UGCG: variants seen among roughly 807,000 people sequenced by gnomAD.
The protein encoded by UGCG is ceramide glucosyltransferase.
A neutral mutation model predicts 49.5 loss-of-function variants in UGCG; 10 were observed. The observed-to-expected ratio is 0.20, with a 90% CI of 0.12 to 0.34. The LOEUF (loss-of-function observed/expected upper bound fraction) is 0.34, where lower values mean the gene tolerates loss of function less well. Ranked by LOEUF, UGCG falls within the 10% of genes least tolerant of loss-of-function variation. The probability of loss-of-function intolerance (pLI) is 1.00; values close to 1 mark genes in which losing one functional copy is unlikely to be tolerated. For missense variants in UGCG, 312 were observed against 483.7 expected, an observed-to-expected ratio of 0.65 and a Z score of 3.33; for synonymous variants, 182 against 158.2, an observed-to-expected ratio of 1.15 and a Z score of -1.13.
At chr9:111,899,574 A>G (rs140547388) in intron 1 of UGCG, among the ~76,000 whole-genome samples, 176 of 152,258 alleles carry the variant, frequency 1.2e-3, no homozygotes, top group Middle Eastern at 6.8e-3. Context: ...AACTTTGTAC[A>G]TATATTTGAC....
At chr9:111,926,052 A>T (rs1163652057) in intron 4 of UGCG, among the ~76,000 whole-genome samples, 1 of 152,214 alleles carries the variant, frequency 6.6e-6, no homozygotes, top group Non-Finnish European at 1.5e-5. Flanking sequence ...TCTGCTCCTG[A>T]GCCTTTTCCA....
intron 1 of UGCG, among the ~76,000 whole-genome samples, chr9:111,909,692 G>A (rs1038183559): frequency 1.7e-4 from 26 of 152,256 alleles, no homozygotes; most frequent in Non-Finnish European, 2.2e-4. Flanking sequence ...GTACCACTGT[G>A]TGCTGAGCCT....
At chr9:111,901,721 T>C (rs1837776447) in intron 1 of UGCG, among the ~76,000 whole-genome samples, 2 of 152,144 alleles carry the variant, frequency 1.3e-5, no homozygotes, top group African/African-American at 4.8e-5. Flanking sequence ...AAAGTGGAAA[T>C]TGCAAGATTT....
intron 2 of UGCG, among the ~76,000 whole-genome samples, chr9:111,917,854 C>T (rs767091134): frequency 6.6e-6 from 1 of 152,080 alleles, no homozygotes; most frequent in Non-Finnish European, 1.5e-5. Context: ...TTGTCACCAG[C>T]GTAGAAGGGA....
At chr9:111,911,945 T>TATTCAACAGG (rs1838012518) in intron 1 of UGCG, among the ~76,000 whole-genome samples, 2 of 44,834 alleles carry the variant, frequency 4.5e-5, no homozygotes, top group African/African-American at 1.8e-4. Flanking sequence ...TATATATATA[T>TATTCAACAGG]ATATATATAT....
rs1000809131 is a variant in UGCG at position 111,932,160 on chromosome 9, G to A, written c.825-10G>A. The A allele has an allele frequency of 1.9e-6, 3 of 1,604,318 alleles. No homozygotes were observed. Among genetic ancestry groups the A allele is most frequent in the South Asian group, 2.2e-5 (2 of 89,696 alleles). On this transcript the variant is annotated splice_polypyrimidine_tract_variant and intron_variant, in intron 7 of 8. Transcript: ENST00000374279. Reference sequence around the variant, plus strand: ...TATTGTTTTAAAGAAAATCCTTTTTGTTTTTCCAGGTGGACCAAACTACGA... The same window carrying A: ...TATTGTTTTAAAGAAAATCCTTTTTATTTTTCCAGGTGGACCAAACTACGA...
At position 111,933,847 on chromosome 9, in the gene UGCG, T is replaced by C. The variant is rs1353285928; in HGVS notation, c.*850T>C. Reference sequence around the variant, plus strand: ...CAGCCCACCCCGTCTTCCCTTAACATTTTTTCAGGGGGGGTTGGGAGTGGT... The same window carrying C: ...CAGCCCACCCCGTCTTCCCTTAACACTTTTTCAGGGGGGGTTGGGAGTGGT... On this transcript the variant is annotated 3_prime_UTR_variant, in exon 9 of 9. Transcript: ENST00000374279. 1 of 152,138 alleles carries C rather than the reference T, an allele frequency of 6.6e-6. No individual in the cohort carries two copies. The highest frequency in any genetic ancestry group is 2.4e-5 in the African/African-American group (1 of 41,430). The allele number at this position is 152,138 out of a possible 1,614,324, so 9.4% of individuals were successfully genotyped here.
At position 111,926,621 on chromosome 9, in the gene UGCG, T is replaced by C. The variant is rs766736471; in HGVS notation, c.558+125T>C. ...GTATTAAGTCCATTTGGGAACCTGCTGTGTTCTAGAAGCCCTGAGTTGAGA... is the reference window on the plus strand; with the variant it reads ...GTATTAAGTCCATTTGGGAACCTGCCGTGTTCTAGAAGCCCTGAGTTGAGA... On this transcript the variant is annotated intron_variant, in intron 5 of 8. Coordinates refer to ENST00000374279, the MANE Select transcript of UGCG (RefSeq NM_003358.3). 9.8e-6 allele frequency: 6 copies of C among 613,996 alleles called. No homozygotes were observed. In the Admixed American group the frequency reaches 1.5e-4, roughly 15 times the overall value. 38.0% of individuals were successfully genotyped at this position (613,996 alleles called of 1,614,324 possible). A position where few individuals can be genotyped will look rare whatever the true frequency, so the allele number is the denominator to read the frequency against.
intron 1 of UGCG, among the ~76,000 whole-genome samples, chr9:111,903,956 T>TA (rs539614223): frequency 4.0e-5 from 6 of 151,872 alleles, no homozygotes; most frequent in Non-Finnish European, 7.4e-5. Flanking sequence ...ATCAAGGGCT[T>TA]AAAAAAAAGA....
chr9:111,916,436 G>T (rs963344780), intron 2 of UGCG, among the ~76,000 whole-genome samples: 1 of 152,158 alleles, frequency 6.6e-6, no homozygotes, highest in African/African-American at 2.4e-5. Flanking sequence ...GAGGAAGTCA[G>T]TGAGGGGTTT....
At chr9:111,914,105 T>G (rs1211161489) in intron 1 of UGCG, among the ~76,000 whole-genome samples, 1 of 152,190 alleles carries the variant, frequency 6.6e-6, no homozygotes, top group Non-Finnish European at 1.5e-5. Context: ...TTATTTTACC[T>G]GTTTTTATAG....
intron 2 of UGCG, among the ~76,000 whole-genome samples, chr9:111,917,441 AACATTT>A: frequency 6.6e-6 from 1 of 152,216 alleles, no homozygotes; most frequent in Non-Finnish European, 1.5e-5. Flanking sequence ...ACCCAAAATA[AACATTT>A]ACGTGACTGC....
chr9:111,929,500 G>A lies in UGCG; in HGVS notation c.559G>A (p.Val187Ile), dbSNP rs773728468. 2 of 1,608,104 alleles carry A rather than the reference G, an allele frequency of 1.2e-6. No homozygotes were observed. The highest frequency in any genetic ancestry group is 1.7e-6 in the Non-Finnish European group (2 of 1,177,132). The change falls in exon 6 of 9, where the codon GTA becomes ATA. Residue 187 changes from valine (V) to isoleucine (I), a missense_variant and splice_region_variant. Val to Ile is a conservative substitution (Grantham distance 29). Transcript: ENST00000374279. ...RQGFAATLEQ[V>I]YFGTSHPRYY... ...TACACGTTTGTGGTTTTTTGGGCAG[G>A]TATATTTTGGAACTTCACATCCAAG... is the stretch of plus-strand genomic sequence containing the variant.
At chr9:111,924,353 CTCTT>C (rs1021891533) in intron 3 of UGCG, among the ~76,000 whole-genome samples, 13 of 152,118 alleles carry the variant, frequency 8.5e-5, no homozygotes, top group African/African-American at 2.9e-4. Context: ...TGGGAAATCT[CTCTT>C]AGCAGTTTTC....
At chr9:111,899,898 A>C (rs966612768) in intron 1 of UGCG, among the ~76,000 whole-genome samples, 5 of 152,148 alleles carry the variant, frequency 3.3e-5, no homozygotes, top group African/African-American at 1.2e-4. Context: ...TTTTATTATA[A>C]ACTAAATTCT....
At position 111,902,800 on chromosome 9, in the gene UGCG, CAG is replaced by C. The variant is rs1165661158; in HGVS notation, c.98+5490_98+5491del. 7.4e-5 allele frequency among the ~76,000 whole-genome samples: 11 copies of C among 148,764 alleles called. No homozygotes were observed. In the East Asian group the frequency reaches 1.8e-3, roughly 24 times the overall value. On this transcript the variant is annotated intron_variant, in intron 1 of 8. Transcript: ENST00000374279. ...ATTCTCTCTTTTTTTTTTTTTGAGA[CAG>C]AGTCTCATTCTGTTGCCCAGGCTGG...
At chr9:111,920,663 C>T (rs1180618011) in intron 2 of UGCG, among the ~76,000 whole-genome samples, 2 of 151,938 alleles carry the variant, frequency 1.3e-5, no homozygotes, top group Admixed American at 6.6e-5. Context: ...CACGCCTGGC[C>T]CACAAATTTT....
intron 2 of UGCG, among the ~76,000 whole-genome samples, chr9:111,921,648 C>CAAAA (rs1329952563): frequency 1.6e-5 from 2 of 121,296 alleles, no homozygotes; most frequent in Admixed American, 8.3e-5. Context: ...GACTCTGTCT[C>CAAAA]AAAAAAAAAA....
chr9:111,911,889 T>C (rs1447053323), intron 1 of UGCG, among the ~76,000 whole-genome samples: 1 of 86,736 alleles, frequency 1.2e-5, no homozygotes, highest in African/African-American at 4.6e-5. Context: ...CTATCTCATA[T>C]GTGTATATTC....
Sources: gnomAD v4.1 joint callset for allele counts (sites outside exome capture counted in the v4.1 genomes callset) on GRCh38, gnomAD v4.1.1 for gene constraint, MANE v1.5 for transcripts, NCBI Gene and HGNC (gene_info 2026-07-23, HGNC 2026-07-21) for gene names.